GGT1: variants seen among roughly 807,000 people sequenced by gnomAD.
GGT1 encodes the protein glutathione hydrolase 1 proenzyme.
GGT1 carries 21 observed loss-of-function variants against 56.0 expected under a neutral mutation model. The observed-to-expected ratio is 0.38, with a 90% CI of 0.27 to 0.54. The LOEUF is 0.54. Among genes scored for constraint, GGT1 ranks in the 20% least tolerant of loss-of-function variants. The pLI is 0.82. For missense variants in GGT1, 466 were observed against 787.0 expected (o/e 0.59, Z 4.88); for synonymous variants, 238 against 342.6 (o/e 0.69, Z 3.37).
chr22:24,609,757 C>T lies in GGT1; in HGVS notation c.-358-208C>T, dbSNP rs1222128133. On this transcript the variant is annotated intron_variant, in intron 2 of 15. Coordinates refer to ENST00000400382, the MANE Select transcript of GGT1 (RefSeq NM_001288833.2). ...CTGTTGTCACACCTGTCACCTGCTG[C>T]CATAGCCATGAGACTTCCCAAGGGT... 9.9e-6 allele frequency: 3 copies of T among 302,878 alleles called. No individual in the cohort carries two copies. The Admixed American group carries it at 1.4e-4, about 14-fold the overall frequency. The allele number at this position is 302,878 out of a possible 1,614,324, so 18.8% of individuals were successfully genotyped here. A position where few individuals can be genotyped will look rare whatever the true frequency, so the allele number is the denominator to read the frequency against.
At chr22:24,587,171 TCTC>T in the GGT1 span, among the ~76,000 whole-genome samples, 1 of 152,044 alleles carries the variant, frequency 6.6e-6, no homozygotes, top group Non-Finnish European at 1.5e-5. Context: ...AGGGAGAAAT[TCTC>T]CTACAAAGGG....
upstream of GGT1, among the ~76,000 whole-genome samples, chr22:24,599,600 G>A (rs1319888554): frequency 6.6e-6 from 1 of 152,086 alleles, no homozygotes; most frequent in African/African-American, 2.4e-5. Flanking sequence ...TATAGAGGTG[G>A]GAGCAGCTGG....
intron 9 of GGT1, among the ~76,000 whole-genome samples, chr22:24,622,344 C>T (rs2047474496): frequency 6.6e-6 from 1 of 152,260 alleles, no homozygotes; most frequent in East Asian, 1.9e-4. Flanking sequence ...GCGTGTGGAT[C>T]ACGGGGTCAG....
At chr22:24,585,432 C>T in the GGT1 span, among the ~76,000 whole-genome samples, 15 of 152,234 alleles carry the variant, frequency 9.9e-5, no homozygotes, top group Non-Finnish European at 2.9e-5. Context: ...CTGGAGGCCT[C>T]CTCTAACTCT....
upstream of GGT1, chr22:24,592,242 C>CACCGG (rs1459603934): frequency 2.2e-6 from 1 of 459,608 alleles, no homozygotes; most frequent in East Asian, 7.0e-5. Context: ...GCAGAGCCAC[C>CACCGG]ACCGGACCGA....
chr22:24,626,530 T>C (rs1167184212), intron 11 of GGT1, among the ~76,000 whole-genome samples: 1 of 151,744 alleles, frequency 6.6e-6, no homozygotes, highest in African/African-American at 2.4e-5. Flanking sequence ...GCACCCATGC[T>C]CTTCAGGTCT....
At chr22:24,626,356 C>CCT (rs113377186) in intron 11 of GGT1, among the ~76,000 whole-genome samples, 62,627 of 97,962 alleles carry the variant, frequency 0.64, 20,791 homozygotes, top group South Asian at 0.77. Context: ...TCGGGTCCAT[C>CCT]CTCTGTCTCC....
intron 9 of GGT1, among the ~76,000 whole-genome samples, chr22:24,621,492 T>G (rs5751910): frequency 0.02 from 2,979 of 147,700 alleles, 94 homozygotes; most frequent in African/African-American, 0.073. Flanking sequence ...GATGAGGGTC[T>G]CCTTGAGAGA....
In GGT1 at chr22:24,628,128, G is replaced by A. The variant is rs770204310; in HGVS notation, c.1384G>A (p.Asp462Asn). 3 of 1,611,884 alleles carry A rather than the reference G, an allele frequency of 1.9e-6. No homozygotes were observed. The highest frequency in any genetic ancestry group is 2.2e-5 in the South Asian group (2 of 90,992). Reference protein sequence around the residue: ...SMCPTIMVGQDGQVRMVVGAA... With the variant: ...SMCPTIMVGQNGQVRMVVGAA... ...GTGCCCGACGATCATGGTGGGCCAG[G>A]ACGGCCAGGTCCGGATGGTGGTGGG... The change falls in exon 14 of 16, where the codon GAC becomes AAC. Residue 462 changes from aspartate (D) to asparagine (N), a missense_variant. Coordinates refer to ENST00000400382, the MANE Select transcript of GGT1 (RefSeq NM_001288833.2). The surrounding 1 kb of genome is among the most constrained non-coding windows in gnomAD (Gnocchi z 5.7).
intron 11 of GGT1, among the ~76,000 whole-genome samples, chr22:24,626,204 G>A (rs904746066): frequency 1.1e-4 from 16 of 149,106 alleles, no homozygotes; most frequent in Non-Finnish European, 1.6e-4. Flanking sequence ...GTGTTAGCCA[G>A]GATGGTCTCG....
intron 5 of GGT1, among the ~76,000 whole-genome samples, 144 bp from the exon 6 acceptor site, chr22:24,614,621 AAAAAAAAAAAG>A: frequency 6.6e-6 from 1 of 150,916 alleles, no homozygotes. Context: ...TCTCAAAAAA[AAAAAAAAAAAG>A]AAAGAAAGAA....
the GGT1 span, among the ~76,000 whole-genome samples, chr22:24,587,785 G>A: frequency 9.9e-5 from 15 of 152,284 alleles, no homozygotes; most frequent in East Asian, 2.9e-3. Context: ...TGTGGCCTTA[G>A]GCAAGCCACT....
chr22:24,623,261 G>C lies in GGT1; in HGVS notation c.883+5G>C, dbSNP rs1048383233. The C allele has an allele frequency of 1.2e-5, 19 of 1,565,130 alleles. No homozygotes were observed. The African/African-American group carries it at 2.3e-4, about 19-fold the overall frequency. On this transcript the variant is annotated splice_donor_5th_base_variant and intron_variant, in intron 10 of 15. Transcript: ENST00000400382. ...TCATCCTCAACATCCTCAAAGGTGA[G>C]TGGTCGCACCACAGCCGTGTGGTAG...
At chr22:24,617,749 C>T (rs2047162626) in intron 7 of GGT1, among the ~76,000 whole-genome samples, 1 of 152,000 alleles carries the variant, frequency 6.6e-6, no homozygotes, top group Non-Finnish European at 1.5e-5. Flanking sequence ...GGTAGATCCT[C>T]AGGTCTGGTG....
rs770428382 is a variant in GGT1, at chr22:24,620,529, G to T, written c.575+9G>T. 6.2e-7 allele frequency: 1 copy of T among 1,611,410 alleles called. No homozygotes were observed. Among genetic ancestry groups the T allele is most frequent in the Non-Finnish European group, 8.5e-7 (1 of 1,179,770 alleles). On this transcript the variant is annotated intron_variant, in intron 8 of 15. Coordinates refer to ENST00000400382, the MANE Select transcript of GGT1 (RefSeq NM_001288833.2). The surrounding 1 kb of genome is among the most constrained non-coding windows in gnomAD (Gnocchi z 5.6). The stretch of plus-strand genomic sequence containing the variant: ...CAGCAGCCTGTCTTGTGGTATGTCT[G>T]TGGGTGCGGCCCCCTGACACAGGCA...
At chr22:24,600,129 G>T (rs1305223981), upstream of GGT1, among the ~76,000 whole-genome samples, 5 of 152,308 alleles carry the variant, frequency 3.3e-5, no homozygotes, top group East Asian at 9.6e-4. Flanking sequence ...GCGGCCAGGA[G>T]GGGGGCCCTT....
Position 24,628,186 on chromosome 22 carries a change from C to T in GGT1, c.1442C>T (p.Thr481Ile). 1 of 1,612,070 alleles carries T rather than the reference C, an allele frequency of 6.2e-7. No individual in the cohort carries two copies. The highest frequency in any genetic ancestry group is 8.5e-7 in the Non-Finnish European group (1 of 1,179,872). ...GGGGGCACACAGATCACCACGGCCA[C>T]TGCACTGGTATGTGTCACACCTTTT... ...AAGGTQITTA[T>I]ALAIIYNLWF... The change falls in exon 14 of 16, where the codon ACT (threonine) becomes ATT (isoleucine). Residue 481 changes from threonine (T) to isoleucine (I), a missense_variant. Thr to Ile is a moderately conservative substitution (Grantham distance 89). Transcript: ENST00000400382. The surrounding 1 kb of genome is among the most constrained non-coding windows in gnomAD (Gnocchi z 5.7).
chr22:24,612,587 C>G (rs1007651102), intron 5 of GGT1, among the ~76,000 whole-genome samples: 1 of 151,444 alleles, frequency 6.6e-6, no homozygotes, highest in Non-Finnish European at 1.5e-5. Context: ...AGTGCAGTGG[C>G]GCAATCTCGG....
At chr22:24,626,232 T>C (rs2047753421) in intron 11 of GGT1, among the ~76,000 whole-genome samples, 1 of 148,152 alleles carries the variant, frequency 6.7e-6, no homozygotes, top group Non-Finnish European at 1.5e-5. Context: ...GACGTCGTGA[T>C]CCGCCCTCCC....
Sources: gnomAD v4.1 joint callset for allele counts (sites outside exome capture counted in the v4.1 genomes callset) on GRCh38, gnomAD v4.1.1 for gene constraint, Gnocchi (gnomAD v3.1) non-coding constraint, MANE v1.5 for transcripts, NCBI Gene and HGNC (gene_info 2026-07-23, HGNC 2026-07-21) for gene names.